The following B3GAT2 variants were observed in gnomAD, a reference collection of about 807,000 sequenced individuals.
The protein encoded by B3GAT2 is beta-1,3-glucuronyltransferase 2.
Under a neutral mutation model 27.8 loss-of-function variants are expected in B3GAT2, and 26 were observed. The ratio of observed to expected loss-of-function variants is 0.93; its 90% CI spans 0.68 to 1.30. The LOEUF is 1.30. Ranked by LOEUF, B3GAT2 falls within the 50% of genes most tolerant of loss-of-function variation. The pLI is 0.00. For synonymous variants in B3GAT2, 218 were observed against 195.1 expected (o/e 1.12, Z -0.98); for missense variants, 458 against 459.0 (o/e 1.00, Z 0.02).
In B3GAT2 at chr6:70,857,292, G is replaced by A. The variant is rs1169325044; in HGVS notation, c.*4371C>T. 3.5e-6 allele frequency: 1 copy of A among 282,062 alleles called. No homozygotes were observed. The highest frequency in any genetic ancestry group is 6.6e-6 in the Non-Finnish European group (1 of 152,168). The allele number at this position is 282,062 out of a possible 1,614,324, so 17.5% of individuals were successfully genotyped here. A position where few individuals can be genotyped will look rare whatever the true frequency, so the allele number is the denominator to read the frequency against. Reference sequence around the variant, plus strand: ...GTTGTTTCACAAGCTTATAGAACATGGATTATCTTTGATGAATTATTGAAA... The same window carrying A: ...GTTGTTTCACAAGCTTATAGAACATAGATTATCTTTGATGAATTATTGAAA... On this transcript the variant is annotated 3_prime_UTR_variant, in exon 4 of 4. Transcript: ENST00000230053.
At chr6:70,948,764 A>G (rs2150052483) in intron 1 of B3GAT2, among the ~76,000 whole-genome samples, 1 of 152,348 alleles carries the variant, frequency 6.6e-6, no homozygotes, top group Non-Finnish European at 1.5e-5. Flanking sequence ...AAAAGAACCC[A>G]CATCGTCAAG....
intron 1 of B3GAT2, among the ~76,000 whole-genome samples, chr6:70,928,832 C>T (rs542708741): frequency 6.0e-4 from 91 of 152,202 alleles, no homozygotes; most frequent in Non-Finnish European, 1.1e-3. Flanking sequence ...ACTAGAAATA[C>T]CATTTGACCC....
chr6:70,880,245 C>T (rs1293461993), intron 2 of B3GAT2, among the ~76,000 whole-genome samples: 1 of 152,108 alleles, frequency 6.6e-6, no homozygotes, highest in Non-Finnish European at 1.5e-5. Flanking sequence ...TTAACAGCAG[C>T]TACATTTTAG....
chr6:70,940,687 G>A (rs1470063917), intron 1 of B3GAT2, among the ~76,000 whole-genome samples: 1 of 152,102 alleles, frequency 6.6e-6, no homozygotes, highest in African/African-American at 2.4e-5. Flanking sequence ...CAGCACTTTG[G>A]GAAACCGAGG....
chr6:70,876,369 C>G (rs1237899631), intron 2 of B3GAT2, among the ~76,000 whole-genome samples: 1 of 152,126 alleles, frequency 6.6e-6, no homozygotes, highest in Non-Finnish European at 1.5e-5. Context: ...TCCTAAAGAC[C>G]TATTTTAATG....
At position 70,857,972 on chromosome 6, in the gene B3GAT2, G is replaced by GC; in HGVS notation, c.*3690dup. The GC allele has an allele frequency of 1.9e-6, 3 of 1,614,142 alleles. No homozygotes were observed. The highest frequency in any genetic ancestry group is 2.5e-6 in the Non-Finnish European group (3 of 1,180,000). The stretch of plus-strand genomic sequence containing the variant: ...ACCATTTACCTCACAAGCACCAGCT[G>GC]CATTTCAGGGCTTTCCATCGATGGG... On this transcript the variant is annotated 3_prime_UTR_variant, in exon 4 of 4. Transcript: ENST00000230053.
At chr6:70,915,522 G>A (rs1412550594) in intron 1 of B3GAT2, among the ~76,000 whole-genome samples, 2 of 151,940 alleles carry the variant, frequency 1.3e-5, no homozygotes, top group Admixed American at 1.3e-4. Context: ...TTTTTTGTAG[G>A]GTTTTTATGG....
At chr6:70,898,365 C>G (rs542772896) in intron 1 of B3GAT2, among the ~76,000 whole-genome samples, 1 of 152,242 alleles carries the variant, frequency 6.6e-6, no homozygotes, top group African/African-American at 2.4e-5. Flanking sequence ...AGGAAATTTA[C>G]TAAAATTTTC....
chr6:70,871,711 T>A (rs1246804223), intron 2 of B3GAT2, among the ~76,000 whole-genome samples: 2 of 151,832 alleles, frequency 1.3e-5, no homozygotes, highest in East Asian at 3.8e-4. Context: ...ATATTCTGTA[T>A]TTTTCTCTAA....
intron 2 of B3GAT2, among the ~76,000 whole-genome samples, chr6:70,886,266 C>T (rs554147254): frequency 1.3e-5 from 2 of 152,256 alleles, no homozygotes; most frequent in East Asian, 3.9e-4. Flanking sequence ...ACCTAGGCCT[C>T]GGGCTCCTTA....
rs538306826 is a variant in B3GAT2, at chr6:70,917,794, G to T, written c.592-23522C>A. On this transcript the variant is annotated intron_variant, in intron 1 of 3. Transcript: ENST00000230053. ...ATGTAATTTCTGTTCTTTTATATTT[G>T]CTGAGCAGTGTTTTGCTTCCAATTA... 1.1e-3 allele frequency among the ~76,000 whole-genome samples: 165 copies of T among 152,238 alleles called. 2 individuals carry two copies. The highest frequency in any genetic ancestry group is 1.9e-3 in the Non-Finnish European group (127 of 68,018).
At chr6:70,944,809 T>G (rs970299748) in intron 1 of B3GAT2, among the ~76,000 whole-genome samples, 1 of 152,140 alleles carries the variant, frequency 6.6e-6, no homozygotes, top group African/African-American at 2.4e-5. Flanking sequence ...GCAGCCTAAC[T>G]GGGAGGCACC....
chr6:70,911,451 G>T (rs1167148139), intron 1 of B3GAT2, among the ~76,000 whole-genome samples: 1 of 152,142 alleles, frequency 6.6e-6, no homozygotes, highest in African/African-American at 2.4e-5. Context: ...TCAAAGATCA[G>T]ATGGTTCTGA....
intron 1 of B3GAT2, among the ~76,000 whole-genome samples, chr6:70,937,432 G>A (rs943889640): frequency 6.6e-5 from 10 of 151,748 alleles, no homozygotes; most frequent in Non-Finnish European, 1.0e-4. Flanking sequence ...TACCAAAGCC[G>A]GGCAGAGACA....
In B3GAT2 at chr6:70,901,736, C is replaced by CTG. The variant is rs1772502772; in HGVS notation, c.592-7466_592-7465dup. Among the ~76,000 whole-genome samples the CTG allele has an allele frequency of 3.9e-5, 6 of 152,264 alleles. No homozygotes were observed. In the South Asian group the frequency reaches 1.2e-3, roughly 32 times the overall value. On this transcript the variant is annotated intron_variant, in intron 1 of 3. Coordinates refer to ENST00000230053, the MANE Select transcript of B3GAT2 (RefSeq NM_080742.3). ...ATCACCATTCATTAACCAGCTGATG[C>CTG]TGTCATGGGAGATACTGTATTCCTC...
chr6:70,928,521 G>A (rs1034207626), intron 1 of B3GAT2, among the ~76,000 whole-genome samples: 10 of 151,914 alleles, frequency 6.6e-5, no homozygotes, highest in African/African-American at 1.9e-4. Context: ...CCAATCCCAC[G>A]GAAATACAAA....
chr6:70,955,819 C>A lies in B3GAT2; in HGVS notation c.591+20G>T, dbSNP rs1765645049. 1.3e-6 allele frequency: 2 copies of A among 1,569,440 alleles called. No individual in the cohort carries two copies. Among genetic ancestry groups the A allele is most frequent in the East Asian group, 2.4e-5 (1 of 41,142 alleles). ...CCCACTCCCGCCCTCGCCCACCCAG[C>A]GGGGCAGGCTGGCCTTTACCTCCTG... is the stretch of plus-strand genomic sequence containing the variant. On this transcript the variant is annotated intron_variant, in intron 1 of 3. Coordinates refer to ENST00000230053, the MANE Select transcript of B3GAT2 (RefSeq NM_080742.3).
In B3GAT2 at chr6:70,926,466, T is replaced by C. The variant is rs1430933999; in HGVS notation, c.591+29373A>G. On this transcript the variant is annotated intron_variant, in intron 1 of 3. Coordinates refer to ENST00000230053, the MANE Select transcript of B3GAT2 (RefSeq NM_080742.3). ...AAATGGCTAATTACAATAAACAGCA[T>C]AGAGAAGATCTTAAATGACCTGATG... 3.3e-5 allele frequency among the ~76,000 whole-genome samples: 5 copies of C among 152,020 alleles called. No homozygotes were observed. The East Asian group carries it at 5.8e-4, about 18-fold the overall frequency.
chr6:70,865,132 C>CT (rs1771828814), intron 2 of B3GAT2, among the ~76,000 whole-genome samples: 2 of 152,144 alleles, frequency 1.3e-5, no homozygotes, highest in Admixed American at 6.5e-5. Flanking sequence ...AATAATAGGG[C>CT]TTTTTTGTTT....
Sources: allele counts gnomAD v4.1 joint callset (sites outside exome capture counted in the v4.1 genomes callset), GRCh38; gene constraint gnomAD v4.1.1; transcripts MANE v1.5; gene names NCBI Gene and HGNC (gene_info 2026-07-23, HGNC 2026-07-21).